The following MINK1 variants were observed in gnomAD, a reference collection of about 807,000 sequenced individuals.
MINK1 encodes misshapen-like kinase 1.
Under a neutral mutation model 178.4 loss-of-function variants are expected in MINK1, and 46 were observed. The ratio of observed to expected loss-of-function variants is 0.26; its 90% CI spans 0.20 to 0.33. The LOEUF is 0.33. MINK1 is among the 10% of genes least tolerant of loss of function. The probability of loss-of-function intolerance (pLI) is 1.00; values close to 1 mark genes in which losing one functional copy is unlikely to be tolerated. For synonymous variants in MINK1, 797 were observed against 709.7 expected, an observed-to-expected ratio of 1.12 and a Z score of -1.96; for missense variants, 1,366 against 1,814.9, an observed-to-expected ratio of 0.75 and a Z score of 4.49.
chr17:4,882,412 C>G (rs924705059), intron 4 of MINK1, among the ~76,000 whole-genome samples: 1 of 152,208 alleles, frequency 6.6e-6, no homozygotes, highest in Non-Finnish European at 1.5e-5. Context: ...GGTGCAGACC[C>G]AGAGCCCTCC....
At chr17:4,880,696 G>A (rs1182247385) in intron 2 of MINK1, among the ~76,000 whole-genome samples, 5 of 150,692 alleles carry the variant, frequency 3.3e-5, no homozygotes, top group Admixed American at 6.6e-5. Context: ...TCAGGAGATC[G>A]AGACCATCCT....
intron 1 of MINK1, among the ~76,000 whole-genome samples, chr17:4,834,256 T>A (rs1023993898): frequency 2.0e-5 from 3 of 152,250 alleles, no homozygotes; most frequent in African/African-American, 7.2e-5. Context: ...ACCAGGCATT[T>A]CCGGTCTCAG....
At chr17:4,845,587 T>A (rs1236927687) in intron 1 of MINK1, among the ~76,000 whole-genome samples, 2 of 151,908 alleles carry the variant, frequency 1.3e-5, no homozygotes, top group Non-Finnish European at 2.9e-5. Flanking sequence ...TGTATTCCTC[T>A]AGTGTTCATA....
chr17:4,860,765 A>C (rs751380604), intron 1 of MINK1: 1 of 520,014 alleles, frequency 1.9e-6, no homozygotes, highest in Non-Finnish European at 3.8e-6. Context: ...GGGAGCAGAG[A>C]CCGTGGTGCA....
In MINK1 at chr17:4,893,617, G is replaced by A. The variant is rs1310205536; in HGVS notation, c.2564+20G>A. On this transcript the variant is annotated intron_variant, in intron 21 of 31. Transcript: ENST00000355280. ...GGGCCGGTACGGCATCGGGAGTGGG[G>A]CCCTCCCACTCCAAGGCACAGGGAG... 9.9e-6 allele frequency: 15 copies of A among 1,515,804 alleles called. No homozygotes were observed. The highest frequency in any genetic ancestry group is 1.3e-5 in the South Asian group (1 of 76,462). The allele number at this position is 1,515,804 out of a possible 1,614,324, so 93.9% of individuals were successfully genotyped here. A position where few individuals can be genotyped will look rare whatever the true frequency, so the allele number is the denominator to read the frequency against.
chr17:4,885,438 C>A lies in MINK1; in HGVS notation c.509-45C>A. 1 of 1,605,382 alleles carries A rather than the reference C, an allele frequency of 6.2e-7. No individual in the cohort carries two copies. The highest frequency in any genetic ancestry group is 8.5e-7 in the Non-Finnish European group (1 of 1,175,134). ...CACGCAGGGATGTGAGGCAAGGGAGCAGAGGTGACTCCCCACACTGACCCC... is the reference window on the plus strand; with the variant it reads ...CACGCAGGGATGTGAGGCAAGGGAGAAGAGGTGACTCCCCACACTGACCCC... On this transcript the variant is annotated intron_variant, in intron 6 of 31. Transcript: ENST00000355280. This position sits in a 1 kb window ranked among gnomAD's most constrained non-coding sequence, Gnocchi z 5.0.
At chr17:4,880,931 C>T (rs1967643655) in intron 2 of MINK1, 53 bp from the exon 3 acceptor site, 1 of 1,431,674 alleles carries the variant, frequency 7.0e-7, no homozygotes, top group Non-Finnish European at 9.2e-7. Context: ...TAGAGTCAAG[C>T]CCTCTCTACG....
Position 4,896,521 on chromosome 17 carries a change from C to T in MINK1, c.3708C>T (p.Tyr1236=), listed in dbSNP as rs199677389. The T allele has an allele frequency of 2.7e-5, 43 of 1,613,936 alleles. No individual in the cohort carries two copies. In the African/African-American group the frequency reaches 3.3e-4, roughly 13 times the overall value. ...TGTGCTACGAGGACGAGGGTGTCTA[C>T]GTCAACACGTACGGGCGCATCATTA... ...MLLCYEDEGV[Y]VNTYGRIIKD... is the part of the protein sequence containing the mutation. Residue 1236 remains tyrosine, a synonymous_variant, in exon 30 of 32, where the codon TAC becomes TAT. Transcript: ENST00000355280. This position sits in a 1 kb window ranked among gnomAD's most constrained non-coding sequence, Gnocchi z 4.6.
intron 12 of MINK1, among the ~76,000 whole-genome samples, chr17:4,889,419 G>A (rs1968543879): frequency 6.6e-6 from 1 of 152,112 alleles, no homozygotes; most frequent in Admixed American, 6.5e-5. Flanking sequence ...CACCCCACAG[G>A]CAGCAGTCAG....
chr17:4,892,151 G>C lies in MINK1; in HGVS notation c.2004G>C (p.Val668=). 1.3e-6 allele frequency: 2 copies of C among 1,594,330 alleles called. No homozygotes were observed. Among genetic ancestry groups the C allele is most frequent in the Non-Finnish European group, 1.7e-6 (2 of 1,171,332 alleles). Residue 668 remains valine (V), a splice_region_variant and synonymous_variant, in exon 17 of 32, where the codon GTG becomes GTC. Transcript: ENST00000355280. ...AGCACGTGGACTTCTCTCCACAGGT[G>C]CCTCAGAGGACCTCATCTATCGCCA... ...VRPDNEAPPK[V]PQRTSSIATA...
At chr17:4,845,919 G>A (rs908713972) in intron 1 of MINK1, among the ~76,000 whole-genome samples, 8 of 152,220 alleles carry the variant, frequency 5.3e-5, no homozygotes, top group Non-Finnish European at 1.5e-5. Context: ...TGAGATTGCA[G>A]GCGTGAGCCA....
At position 4,881,001 on chromosome 17, in the gene MINK1, G is replaced by A. The variant is rs1363319090; in HGVS notation, c.141G>A (p.Thr47=). The change falls in exon 3 of 32, where the codon ACG becomes ACA. Residue 47 remains threonine, a synonymous_variant. Coordinates refer to ENST00000355280, the MANE Select transcript of MINK1 (RefSeq NM_153827.5). ...GQVYKGRHVK[T]GQLAAIKVMD... is the part of the protein sequence containing the mutation. Reference sequence around the variant, plus strand: ...TCCCGCAGGGTCGGCATGTCAAGACGGGGCAGCTGGCTGCCATCAAGGTCA... The same window carrying A: ...TCCCGCAGGGTCGGCATGTCAAGACAGGGCAGCTGGCTGCCATCAAGGTCA... 15 of 1,523,212 alleles carry A rather than the reference G, an allele frequency of 9.8e-6. No individual in the cohort carries two copies. Among genetic ancestry groups the A allele is most frequent in the African/African-American group, 2.7e-5 (2 of 72,750 alleles). The allele number at this position is 1,523,212 out of a possible 1,614,324, so 94.4% of individuals were successfully genotyped here. A position where few individuals can be genotyped will look rare whatever the true frequency, so the allele number is the denominator to read the frequency against.
intron 15 of MINK1, 87 bp downstream of exon 15, chr17:4,891,211 C>CACACACACAG: frequency 8.6e-7 from 1 of 1,165,930 alleles, no homozygotes; most frequent in Non-Finnish European, 1.2e-6. Context: ...CACACACACA[C>CACACACACAG]ACACACACAC....
At position 4,884,311 on chromosome 17, in the gene MINK1, G is replaced by A. The variant is rs1226856604; in HGVS notation, c.307-52G>A. On this transcript the variant is annotated intron_variant, in intron 4 of 31. Coordinates refer to ENST00000355280, the MANE Select transcript of MINK1 (RefSeq NM_153827.5). Reference sequence around the variant, plus strand: ...TAGCAGGGGATTGGGGCAGGGGTGGGAGGGCTTGTCTGACTGATACTTTTC... The same window carrying A: ...TAGCAGGGGATTGGGGCAGGGGTGGAAGGGCTTGTCTGACTGATACTTTTC... 46 of 1,439,804 alleles carry A rather than the reference G, an allele frequency of 3.2e-5. No homozygotes were observed. In the East Asian group the frequency reaches 8.9e-4, roughly 28 times the overall value. 89.2% of individuals were successfully genotyped at this position (1,439,804 alleles called of 1,614,324 possible). A position where few individuals can be genotyped will look rare whatever the true frequency, so the allele number is the denominator to read the frequency against.
intron 1 of MINK1, chr17:4,857,108 G>T (rs188070719): frequency 9.2e-6 from 2 of 217,342 alleles, no homozygotes; most frequent in South Asian, 6.0e-5. Flanking sequence ...CCAGCTGGAG[G>T]AAACTGCTAT....
chr17:4,890,473 G>C, intron 13 of MINK1, 44 bp from the exon 14 acceptor site: 1 of 1,549,116 alleles, frequency 6.5e-7, no homozygotes, highest in South Asian at 1.2e-5. Flanking sequence ...CTAACTCCCA[G>C]GGCCACACCC....
intron 1 of MINK1, among the ~76,000 whole-genome samples, chr17:4,842,211 G>A (rs971042091): frequency 1.2e-4 from 15 of 127,304 alleles, no homozygotes; most frequent in Admixed American, 4.1e-4. Flanking sequence ...GCGACAGAGC[G>A]AGACTCTGTC....
In MINK1 at chr17:4,885,730, G is replaced by T; in HGVS notation, c.639+117G>T. ...AGGTCAGATGATGTTAGCAGTGAGGGGCTGGGGAACATCTTACGGCAAGGC... is the reference window on the plus strand; with the variant it reads ...AGGTCAGATGATGTTAGCAGTGAGGTGCTGGGGAACATCTTACGGCAAGGC... On this transcript the variant is annotated intron_variant, in intron 7 of 31. Transcript: ENST00000355280. This position sits in a 1 kb window ranked among gnomAD's most constrained non-coding sequence, Gnocchi z 5.0. The T allele has an allele frequency of 6.8e-7, 1 of 1,473,282 alleles. No individual in the cohort carries two copies. The highest frequency in any genetic ancestry group is 9.3e-7 in the Non-Finnish European group (1 of 1,079,976). 91.3% of individuals were successfully genotyped at this position (1,473,282 alleles called of 1,614,324 possible). A position where few individuals can be genotyped will look rare whatever the true frequency, so the allele number is the denominator to read the frequency against.
At chr17:4,846,656 G>A (rs1911075647) in intron 1 of MINK1, among the ~76,000 whole-genome samples, 1 of 152,170 alleles carries the variant, frequency 6.6e-6, no homozygotes, top group Admixed American at 6.5e-5. Context: ...TTAAAGCAGA[G>A]CCTCTATGGG....
Sources: gnomAD v4.1 joint callset for allele counts (sites outside exome capture counted in the v4.1 genomes callset) on GRCh38, gnomAD v4.1.1 for gene constraint, Gnocchi (gnomAD v3.1) non-coding constraint, MANE v1.5 for transcripts, NCBI Gene and HGNC (gene_info 2026-07-23, HGNC 2026-07-21) for gene names.